Variants in EYS observed in about 807,000 individuals in gnomAD.
The protein encoded by EYS is protein eyes shut homolog.
A neutral mutation model predicts 282.1 loss-of-function variants in EYS; 250 were observed. The observed-to-expected ratio is 0.89, with a 90% CI of 0.80 to 0.98. EYS has a LOEUF of 0.98. Among genes scored for constraint, EYS ranks in the 50% least tolerant of loss-of-function variants. The pLI is 0.00. For missense variants in EYS, 4,016 were observed against 3,709.0 expected, an observed-to-expected ratio of 1.08 and a Z score of -2.15; for synonymous variants, 1,355 against 1,282.9, an observed-to-expected ratio of 1.06 and a Z score of -1.20.
intron 31 of EYS, among the ~76,000 whole-genome samples, chr6:64,210,434 G>A (rs193185924): frequency 1.2e-3 from 184 of 152,166 alleles, no homozygotes; most frequent in African/African-American, 4.1e-3. Flanking sequence ...GCCTGTATCC[G>A]TGGTGTCTCC....
chr6:65,306,906 G>C (rs1476628155), intron 11 of EYS, among the ~76,000 whole-genome samples: 4 of 120,916 alleles, frequency 3.3e-5, no homozygotes, highest in Non-Finnish European at 6.9e-5. Context: ...GCCGAATTTT[G>C]TTTTGCCAGG....
chr6:64,580,702 A>C (rs777554135), intron 26 of EYS, among the ~76,000 whole-genome samples: 4 of 152,130 alleles, frequency 2.6e-5, no homozygotes, highest in African/African-American at 7.2e-5. Context: ...TGTGTATATT[A>C]TTTTTTAAAC....
chr6:65,407,059 T>C (rs537810601), intron 5 of EYS, among the ~76,000 whole-genome samples: 1 of 152,240 alleles, frequency 6.6e-6, no homozygotes, highest in South Asian at 2.1e-4. Context: ...GGGAAAAATT[T>C]CCATCCCAAC....
intron 12 of EYS, among the ~76,000 whole-genome samples, chr6:65,079,010 G>A (rs927373974): frequency 3.3e-5 from 5 of 151,544 alleles, no homozygotes; most frequent in Non-Finnish European, 4.4e-5. Flanking sequence ...AGCAGATGCC[G>A]GTACCATGTT....
intron 12 of EYS, among the ~76,000 whole-genome samples, chr6:65,181,249 C>T (rs1162207572): frequency 6.6e-6 from 1 of 152,080 alleles, no homozygotes; most frequent in Non-Finnish European, 1.5e-5. Context: ...GCAAAAGAAA[C>T]TACCATCAGA....
chr6:65,480,534 A>G (rs1765569709), intron 5 of EYS, among the ~76,000 whole-genome samples: 1 of 152,168 alleles, frequency 6.6e-6, no homozygotes, highest in African/African-American at 2.4e-5. Flanking sequence ...TAAAATAGAG[A>G]TGAGATTATC....
chr6:64,403,007 T>A (rs779624357), intron 28 of EYS, among the ~76,000 whole-genome samples: 1 of 152,178 alleles, frequency 6.6e-6, no homozygotes, highest in Non-Finnish European at 1.5e-5. Context: ...GTGATTCTAA[T>A]TATATTATAT....
chr6:64,107,287 A>ATATATT (rs1554208109), intron 31 of EYS, among the ~76,000 whole-genome samples: 11 of 59,624 alleles, frequency 1.8e-4, no homozygotes, highest in African/African-American at 9.2e-4. Flanking sequence ...ATATATATTT[A>ATATATT]TATATATATA....
intron 22 of EYS, among the ~76,000 whole-genome samples, chr6:64,763,311 TG>T (rs2149980070): frequency 6.6e-6 from 1 of 152,268 alleles, no homozygotes; most frequent in South Asian, 2.1e-4. Flanking sequence ...GAAGCATGAC[TG>T]GGAGGACTAA....
intron 22 of EYS, among the ~76,000 whole-genome samples, chr6:64,702,155 T>A (rs942467372): frequency 1.3e-5 from 2 of 151,986 alleles, no homozygotes; most frequent in African/African-American, 2.4e-5. Context: ...ACTGGACAAT[T>A]TTTACATATT....
At chr6:64,428,478 A>G (rs1360425018) in intron 28 of EYS, among the ~76,000 whole-genome samples, 12 of 152,174 alleles carry the variant, frequency 7.9e-5, no homozygotes, top group Non-Finnish European at 2.9e-5. Context: ...CATTTATACT[A>G]GAACCTCTCT....
At chr6:65,179,682 G>C (rs1220554660) in intron 12 of EYS, among the ~76,000 whole-genome samples, 1 of 152,094 alleles carries the variant, frequency 6.6e-6, no homozygotes, top group Non-Finnish European at 1.5e-5. Flanking sequence ...TAGAAAAAGA[G>C]GGAATCCTCC....
chr6:64,942,005 T>C (rs569999280), intron 15 of EYS, among the ~76,000 whole-genome samples: 7 of 152,204 alleles, frequency 4.6e-5, no homozygotes, highest in African/African-American at 1.7e-4. Context: ...GAAATGGTAG[T>C]TCTATGTTAA....
At chr6:63,985,468 G>A (rs1357532241) in intron 34 of EYS, among the ~76,000 whole-genome samples, 2 of 151,680 alleles carry the variant, frequency 1.3e-5, no homozygotes, top group Non-Finnish European at 2.9e-5. Flanking sequence ...ACAAACTAAT[G>A]TAATCATAAT....
intron 9 of EYS, among the ~76,000 whole-genome samples, chr6:65,346,709 A>G (rs1442628662): frequency 2.0e-5 from 3 of 151,874 alleles, no homozygotes; most frequent in Non-Finnish European, 1.5e-5. Flanking sequence ...CTAAAAATGG[A>G]AAGACCCATG....
chr6:63,748,743 A>AT (rs1467189776), intron 41 of EYS, among the ~76,000 whole-genome samples: 2 of 151,714 alleles, frequency 1.3e-5, no homozygotes, highest in South Asian at 2.1e-4. Context: ...GAATTTATCT[A>AT]TTTTTCCTAG....
intron 2 of EYS, among the ~76,000 whole-genome samples, chr6:65,558,062 C>T (rs891004640): frequency 1.3e-5 from 2 of 152,146 alleles, no homozygotes; most frequent in Non-Finnish European, 1.5e-5. Context: ...GCATCCGAGC[C>T]CCCAGGCTTC....
chr6:65,301,830 T>A (rs1768844012), intron 11 of EYS, among the ~76,000 whole-genome samples: 1 of 152,194 alleles, frequency 6.6e-6, no homozygotes, highest in Non-Finnish European at 1.5e-5. Flanking sequence ...ACTGTTGACA[T>A]CTTCCAGGCC....
intron 36 of EYS, among the ~76,000 whole-genome samples, chr6:63,844,662 G>A (rs1772051721): frequency 6.6e-6 from 1 of 151,802 alleles, no homozygotes; most frequent in Non-Finnish European, 1.5e-5. Flanking sequence ...TGTCCTTTTG[G>A]AGAAGTGTCT....
Sources: gnomAD v4.1 joint callset for allele counts (sites outside exome capture counted in the v4.1 genomes callset) on GRCh38, gnomAD v4.1.1 for gene constraint, MANE v1.5 for transcripts, NCBI Gene and HGNC (gene_info 2026-07-23, HGNC 2026-07-21) for gene names.